Variants in HECTD4 observed in about 807,000 individuals in gnomAD.
The protein encoded by HECTD4 is HECT domain E3 ubiquitin protein ligase 4, also known as probable E3 ubiquitin-protein ligase HECTD4.
A neutral mutation model predicts 471.5 loss-of-function variants in HECTD4; 114 were observed. That is an observed-to-expected ratio of 0.24 (90% CI 0.21 to 0.28). The LOEUF (loss-of-function observed/expected upper bound fraction) is 0.28, where lower values mean the gene tolerates loss of function less well. Ranked by LOEUF, HECTD4 falls within the 10% of genes least tolerant of loss-of-function variation. HECTD4 has a pLI of 1.00. For synonymous variants in HECTD4, 2,012 were observed against 2,256.0 expected (o/e 0.89, Z 3.07); for missense variants, 3,866 against 5,651.5 (o/e 0.68, Z 10.13).
At chr12:112,223,955 C>T (rs1323494327) in intron 44 of HECTD4, among the ~76,000 whole-genome samples, 5 of 151,840 alleles carry the variant, frequency 3.3e-5, no homozygotes, top group Admixed American at 3.3e-4. Context: ...TACATTATTG[C>T]TTATAAATTT....
chr12:112,210,059 T>C lies in HECTD4; in HGVS notation c.7823A>G (p.His2608Arg), dbSNP rs2032716284. 6 of 1,613,918 alleles carry C rather than the reference T, an allele frequency of 3.7e-6. No homozygotes were observed. Among genetic ancestry groups the C allele is most frequent in the Admixed American group, 1.7e-5 (1 of 60,008 alleles). ...GTSIASDPGT[H>R]GPPCRIAAVA... is the part of the protein sequence containing the mutation. ...GGCAGCAATCCGGCATGGTGGCCCA[T>C]GAGTGCCTGGGTCTGATGCAATACT... Residue 2608 changes from histidine (H) to arginine (R), a missense_variant, in exon 50 of 76, where the codon CAT becomes CGT. Around this residue, in one of 16 missense-constraint regions of HECTD4, gnomAD observed 266 missense variants for 441.6 expected, o/e 0.60. Coordinates refer to ENST00000682272, the MANE Select transcript of HECTD4 (RefSeq NM_001388303.1).
intron 1 of HECTD4, among the ~76,000 whole-genome samples, chr12:112,378,209 A>C (rs1041030855): frequency 2.6e-5 from 4 of 151,968 alleles, no homozygotes; most frequent in African/African-American, 9.7e-5. Flanking sequence ...CTTCTGCTCT[A>C]AAATTCTAAG....
intron 20 of HECTD4, among the ~76,000 whole-genome samples, chr12:112,257,477 G>T (rs1394728998): frequency 6.6e-6 from 1 of 152,122 alleles, no homozygotes; most frequent in Admixed American, 6.5e-5. Context: ...GATAAGTTTG[G>T]ACATTTGTTA....
intron 1 of HECTD4, among the ~76,000 whole-genome samples, chr12:112,334,109 T>G (rs1006013988): frequency 1.3e-5 from 2 of 151,882 alleles, no homozygotes; most frequent in Admixed American, 1.3e-4. Flanking sequence ...CTTGGGAGGC[T>G]GAGGCAGGAG....
chr12:112,300,324 G>C (rs990485920), intron 7 of HECTD4, among the ~76,000 whole-genome samples: 2 of 145,186 alleles, frequency 1.4e-5, no homozygotes, highest in East Asian at 4.5e-4. Flanking sequence ...AAAAAAAAAA[G>C]AAAGAAAGAA....
In HECTD4 at chr12:112,192,607, T is replaced by G; in HGVS notation, c.9245A>C (p.Gln3082Pro). 1 of 1,608,344 alleles carries G rather than the reference T, an allele frequency of 6.2e-7. No individual in the cohort carries two copies. The highest frequency in any genetic ancestry group is 8.5e-7 in the Non-Finnish European group (1 of 1,177,542). ...TGTGGAGAGGACCACAGAGGGGTACTGGTCAGCGGTGGGGGGAGGTGCAAG... is the reference window on the plus strand; with the variant it reads ...TGTGGAGAGGACCACAGAGGGGTACGGGTCAGCGGTGGGGGGAGGTGCAAG... ...TGLAPPPTAD[Q>P]YPSVVLSTDR... The change falls in exon 59 of 76, where the codon CAG becomes CCG. Residue 3082 changes from glutamine to proline, a missense_variant. Gln to Pro is a moderately conservative substitution (Grantham distance 76). Coordinates refer to ENST00000682272, the MANE Select transcript of HECTD4 (RefSeq NM_001388303.1).
chr12:112,248,400 GTTC>G lies in HECTD4; in HGVS notation c.4060_4062del (p.Glu1354del). The G allele has an allele frequency of 6.2e-7, 1 of 1,610,932 alleles. No homozygotes were observed. The highest frequency in any genetic ancestry group is 8.5e-7 in the Non-Finnish European group (1 of 1,177,716). On this transcript the variant is annotated inframe_deletion, in exon 26 of 76. Transcript: ENST00000682272. The stretch of plus-strand genomic sequence containing the variant: ...CATAATAAATCATATTCTTCAGCAT[GTTC>G]TTCTTGATATTGGAAATTTATTAGA...
At chr12:112,361,458 G>C (rs183434495) in intron 1 of HECTD4, among the ~76,000 whole-genome samples, 1 of 151,528 alleles carries the variant, frequency 6.6e-6, no homozygotes, top group African/African-American at 2.4e-5. Flanking sequence ...TATTTTTGTA[G>C]AGATAGGGTC....
At chr12:112,245,083 GCCTTGAACT>G (rs1261773861) in intron 29 of HECTD4, among the ~76,000 whole-genome samples, 1 of 152,120 alleles carries the variant, frequency 6.6e-6, no homozygotes, top group Non-Finnish European at 1.5e-5. Context: ...GCTTACTGCA[GCCTTGAACT>G]CCTGGACTCA....
chr12:112,259,039 G>C, intron 19 of HECTD4, 73 bp downstream of exon 19: 1 of 1,350,208 alleles, frequency 7.4e-7, no homozygotes. Flanking sequence ...TCTGTCTTCA[G>C]TGAAAGCAAA....
At position 112,308,833 on chromosome 12, in the gene HECTD4, C is replaced by T. The variant is rs552220692; in HGVS notation, c.1084G>A (p.Gly362Ser). ...LEPGWVAFGS[G>S]SLLHRPVSFD... ...GAGACAGGCCGGTGGAGAAGACTGC[C>T]GCTGCCAAAAGCCACCCATCCTGGT... The change falls in exon 6 of 76, where the codon GGC becomes AGC. Residue 362 changes from glycine (G) to serine (S), a missense_variant. By Grantham distance (56) the Gly-to-Ser change is moderately conservative. Around this residue, in one of 16 missense-constraint regions of HECTD4, gnomAD observed 440 missense variants for 636.0 expected, o/e 0.69. Coordinates refer to ENST00000682272, the MANE Select transcript of HECTD4 (RefSeq NM_001388303.1). 29 of 1,536,016 alleles carry T rather than the reference C, an allele frequency of 1.9e-5. No individual in the cohort carries two copies. The highest frequency in any genetic ancestry group is 3.9e-5 in the Admixed American group (2 of 50,986).
chr12:112,319,877 A>G lies in HECTD4; in HGVS notation c.178-135T>C. 1 of 602,870 alleles carries G rather than the reference A, an allele frequency of 1.7e-6. No homozygotes were observed. Among genetic ancestry groups the G allele is most frequent in the Non-Finnish European group, 2.4e-6 (1 of 412,732 alleles). The allele number at this position is 602,870 out of a possible 1,614,324, so 37.3% of individuals were successfully genotyped here. On this transcript the variant is annotated intron_variant, in intron 1 of 75. Coordinates refer to ENST00000682272, the MANE Select transcript of HECTD4 (RefSeq NM_001388303.1). This position sits in a 1 kb window ranked among gnomAD's most constrained non-coding sequence, Gnocchi z 5.3. ...TTAATTACAATCAAATGGAAAACGTATACTGTAAAGCCAGCTCTTTGCTGA... is the reference window on the plus strand; with the variant it reads ...TTAATTACAATCAAATGGAAAACGTGTACTGTAAAGCCAGCTCTTTGCTGA...
chr12:112,223,711 C>T (rs2033158260), intron 44 of HECTD4, among the ~76,000 whole-genome samples: 1 of 152,146 alleles, frequency 6.6e-6, no homozygotes, highest in Admixed American at 6.5e-5. Flanking sequence ...TGAGCCACCA[C>T]GTCCGGCCTT....
At chr12:112,212,031 T>G (rs182850576) in intron 49 of HECTD4, among the ~76,000 whole-genome samples, 2 of 152,212 alleles carry the variant, frequency 1.3e-5, no homozygotes, top group Non-Finnish European at 2.9e-5. Flanking sequence ...TATTAATAGA[T>G]GCCCCTTAAG....
chr12:112,190,653 C>A, intron 60 of HECTD4, 133 bp downstream of exon 60: 1 of 681,914 alleles, frequency 1.5e-6, no homozygotes. Flanking sequence ...CAAATGACAG[C>A]AATCTGAAGG....
At chr12:112,283,374 A>G (rs2034685414) in intron 7 of HECTD4, 72 bp from the exon 8 acceptor site, 1 of 1,181,072 alleles carries the variant, frequency 8.5e-7, no homozygotes. Context: ...TACTGAGGAT[A>G]TTATTGTGAG....
chr12:112,175,139 T>C (rs900716641), intron 66 of HECTD4, among the ~76,000 whole-genome samples: 3 of 152,242 alleles, frequency 2.0e-5, no homozygotes, highest in Non-Finnish European at 4.4e-5. Flanking sequence ...GAAACTGTTA[T>C]GGGACTGAAC....
intron 1 of HECTD4, among the ~76,000 whole-genome samples, chr12:112,379,792 C>A (rs1307152654): frequency 6.6e-6 from 1 of 151,654 alleles, no homozygotes; most frequent in East Asian, 1.9e-4. Context: ...TCTTAGCTAT[C>A]TATTTCTCCT....
At chr12:112,195,611 T>C (rs1417568138) in intron 55 of HECTD4, among the ~76,000 whole-genome samples, 2 of 152,162 alleles carry the variant, frequency 1.3e-5, no homozygotes, top group Non-Finnish European at 1.5e-5. Flanking sequence ...GAAAGGAGGA[T>C]GGGAAGTAAC....
Sources: gnomAD v4.1 joint callset for allele counts (sites outside exome capture counted in the v4.1 genomes callset) on GRCh38, gnomAD v4.1.1 for gene constraint, gnomAD v4.1.1 regional missense constraint, Gnocchi (gnomAD v3.1) non-coding constraint, MANE v1.5 for transcripts, NCBI Gene and HGNC (gene_info 2026-07-23, HGNC 2026-07-21) for gene names.